GTF2H2C: variants seen among roughly 807,000 people sequenced by gnomAD.
The protein encoded by GTF2H2C is general transcription factor IIH subunit 2-like protein.
A neutral mutation model predicts 24.8 loss-of-function variants in GTF2H2C; 5 were observed. The observed-to-expected ratio is 0.20, with a 90% CI of 0.11 to 0.42. The LOEUF is 0.42. Ranked by LOEUF, GTF2H2C falls within the 20% of genes least tolerant of loss-of-function variation. The probability of loss-of-function intolerance (pLI) is 1.00; values close to 1 mark genes in which losing one functional copy is unlikely to be tolerated. For missense variants in GTF2H2C, 45 were observed against 169.8 expected (o/e 0.27, Z 4.08); for synonymous variants, 14 against 52.6 (o/e 0.27, Z 3.18).
rs202004974 is a variant in GTF2H2C, at chr5:69,564,153, T to G, written c.-33-947T>G. On this transcript the variant is annotated intron_variant, in intron 2 of 16. Transcript: ENST00000380729. Reference sequence around the variant, plus strand: ...CTGCAAAAGACAGGATTTCATTGTGTTTTTTTTTCGTTGTTTTTTTGGCTG... The same window carrying G: ...CTGCAAAAGACAGGATTTCATTGTGGTTTTTTTTCGTTGTTTTTTTGGCTG... Among the ~76,000 whole-genome samples the G allele has an allele frequency of 4.8e-3, 682 of 143,016 alleles. 17 individuals are homozygous for G. In the East Asian group the frequency reaches 0.075, roughly 16 times the overall value. 93.8% of individuals were successfully genotyped at this position (143,016 alleles called of 152,430 possible).
intron 15 of GTF2H2C, among the ~76,000 whole-genome samples, chr5:69,589,875 C>CTTTTTTTTTTTTTTT (rs1160077149): frequency 1.7e-5 from 1 of 60,358 alleles, no homozygotes; most frequent in Non-Finnish European, 2.7e-5. Context: ...TATTGCTATT[C>CTTTTTTTTTTTTTTT]TTTTTTTTTT....
chr5:69,590,393 T>G, intron 16 of GTF2H2C, 26 bp downstream of exon 16: 1 of 180,818 alleles, frequency 5.5e-6, no homozygotes, highest in Non-Finnish European at 9.5e-6. Flanking sequence ...TTCTAAATAT[T>G]AAGTAATGTA....
At chr5:69,564,809 T>C (rs1353324206) in intron 2 of GTF2H2C, among the ~76,000 whole-genome samples, 1 of 151,656 alleles carries the variant, frequency 6.6e-6, no homozygotes, top group Non-Finnish European at 1.5e-5. Flanking sequence ...CTCACAAGTC[T>C]ACAGTTTGTC....
intron 4 of GTF2H2C, 132 bp downstream of exon 4, chr5:69,566,340 G>A (rs1296579409): frequency 5.3e-5 from 65 of 1,221,598 alleles, no homozygotes; most frequent in Non-Finnish European, 7.3e-5. Context: ...CTGACTATGG[G>A]GAAAGAACTA....
Position 69,579,770 on chromosome 5 carries a change from T to G in GTF2H2C, c.663T>G (p.Val221=). 1 of 1,606,174 alleles carries G rather than the reference T, an allele frequency of 6.2e-7. No homozygotes were observed. The highest frequency in any genetic ancestry group is 8.5e-7 in the Non-Finnish European group (1 of 1,178,920). Residue 221 remains valine, a synonymous_variant, in exon 12 of 17, where the codon GTT becomes GTG. Transcript: ENST00000380729. ...TCATCTTGTTAGGCACGTACCATGT[T>G]ATTTTAGATGAAAGCCATTACAAAG... is the stretch of plus-strand genomic sequence containing the variant. ...LARETGGTYH[V]ILDESHYKEL... is the part of the protein sequence containing the mutation.
chr5:69,589,847 T>C (rs1190444487), intron 15 of GTF2H2C, among the ~76,000 whole-genome samples: 1 of 129,268 alleles, frequency 7.7e-6, no homozygotes, highest in Non-Finnish European at 1.6e-5. Context: ...GTATATACTG[T>C]GGAATTTTTT....
At chr5:69,561,068 TAAG>T (rs1770303900) in intron 1 of GTF2H2C, among the ~76,000 whole-genome samples, 1 of 152,076 alleles carries the variant, frequency 6.6e-6, no homozygotes, top group Non-Finnish European at 1.5e-5. Context: ...GTGATATTTT[TAAG>T]AAGAAAATGG....
intron 2 of GTF2H2C, among the ~76,000 whole-genome samples, chr5:69,564,425 A>G (rs1770612306): frequency 6.7e-6 from 1 of 148,492 alleles, no homozygotes. Flanking sequence ...CATTAGAGAA[A>G]TGCAAACCAA....
rs1302957869 is a variant in GTF2H2C at position 69,565,064 on chromosome 5, A to G, written c.-33-36A>G. ...TAATTGGATGAATTTTGTAACAAAC[A>G]TCTTTAGATAACTTACATTCTAATG... On this transcript the variant is annotated intron_variant, in intron 2 of 16. Transcript: ENST00000380729. 5.0e-6 allele frequency: 3 copies of G among 600,626 alleles called. No homozygotes were observed. In the African/African-American group the frequency reaches 5.6e-5, roughly 11 times the overall value. The allele number at this position is 600,626 out of a possible 1,614,324, so 37.2% of individuals were successfully genotyped here. A position where few individuals can be genotyped will look rare whatever the true frequency, so the allele number is the denominator to read the frequency against.
chr5:69,566,074 ATTTG>A, intron 3 of GTF2H2C, 53 bp from the exon 4 acceptor site: 2 of 1,356,484 alleles, frequency 1.5e-6, no homozygotes, highest in Non-Finnish European at 2.1e-6. Flanking sequence ...TTTTCATTTC[ATTTG>A]GGCTAGTAAT....
At chr5:69,566,331 T>C in intron 4 of GTF2H2C, 123 bp downstream of exon 4, 13 of 1,366,438 alleles carry the variant, frequency 9.5e-6, no homozygotes, top group Non-Finnish European at 1.3e-5. Flanking sequence ...TATTGCCTTC[T>C]GACTATGGGG....
At position 69,582,430 on chromosome 5, in the gene GTF2H2C, G is replaced by GT; in HGVS notation, c.821+2dup. On this transcript the variant is annotated splice_donor_variant, in intron 13 of 16. Transcript: ENST00000380729. LOFTEE classifies it high-confidence loss of function. ...ATGCAAAACCCTCTTTCAGCATGGC[G>GT]TAAGTAAAGACCTTGAAAATATCAG... is the stretch of plus-strand genomic sequence containing the variant. 1 of 352,764 alleles carries GT rather than the reference G, an allele frequency of 2.8e-6. No homozygotes were observed. The highest frequency in any genetic ancestry group is 3.6e-5 in the South Asian group (1 of 27,934). 21.9% of individuals were successfully genotyped at this position (352,764 alleles called of 1,614,324 possible).
At chr5:69,581,612 G>T in intron 12 of GTF2H2C, among the ~76,000 whole-genome samples, 1 of 111,866 alleles carries the variant, frequency 8.9e-6, no homozygotes, top group Non-Finnish European at 1.8e-5. Context: ...GAGTCCTTTA[G>T]GAATGTTAAC....
intron 9 of GTF2H2C, among the ~76,000 whole-genome samples, chr5:69,573,422 G>A (rs1245749399): frequency 1.3e-5 from 1 of 77,576 alleles, no homozygotes; most frequent in Non-Finnish European, 2.6e-5. Flanking sequence ...GGCCTCAAGC[G>A]ATCCGCCCAC....
At chr5:69,561,760 T>G (rs1241086809) in intron 1 of GTF2H2C, among the ~76,000 whole-genome samples, 1 of 151,682 alleles carries the variant, frequency 6.6e-6, no homozygotes, top group African/African-American at 2.4e-5. Context: ...CCTCCCACTT[T>G]TGCTTCCCAA....
In GTF2H2C at chr5:69,588,397, G is replaced by T. The variant is rs1159781156; in HGVS notation, c.1029-1931G>T. On this transcript the variant is annotated intron_variant, in intron 15 of 16. Coordinates refer to ENST00000380729, the MANE Select transcript of GTF2H2C (RefSeq NM_001376000.2). ...GGACAGAACTTTCTAGATTGAAAGG[G>T]CCTGTTGGCTGGGAAGGGTGGCTCA... Among the ~76,000 whole-genome samples, 2 of 24,694 alleles carry T rather than the reference G, an allele frequency of 8.1e-5. 1 individual carries two copies. Among genetic ancestry groups the T allele is most frequent in the Non-Finnish European group, 1.7e-4 (2 of 11,582 alleles). 16.2% of individuals were successfully genotyped at this position (24,694 alleles called of 152,430 possible).
At chr5:69,590,216 TCATGTGTAAAGA>T (rs1276101795) in intron 15 of GTF2H2C, 100 bp from the exon 16 acceptor site, 1 of 125,752 alleles carries the variant, frequency 8.0e-6, no homozygotes, top group Non-Finnish European at 1.6e-5. Flanking sequence ...TTCCTGAAAG[TCATGTGTAAAGA>T]CAAGTACATA....
In GTF2H2C at chr5:69,593,792, T is replaced by C. The variant is rs1426459310; in HGVS notation, c.*1594T>C. The C allele has an allele frequency of 4.6e-5, 1 of 21,900 alleles. No homozygotes were observed. Among genetic ancestry groups the C allele is most frequent in the African/African-American group, 1.6e-4 (1 of 6,254 alleles). The allele number at this position is 21,900 out of a possible 1,614,324, so 1.4% of individuals were successfully genotyped here. On this transcript the variant is annotated 3_prime_UTR_variant, in exon 17 of 17. Coordinates refer to ENST00000380729, the MANE Select transcript of GTF2H2C (RefSeq NM_001376000.2). Reference sequence around the variant, plus strand: ...TCTACTAAACATACAAAAAATTAGCTGGGCCTGGTGGCGGGCGCCTGTAGT... The same window carrying C: ...TCTACTAAACATACAAAAAATTAGCCGGGCCTGGTGGCGGGCGCCTGTAGT...
chr5:69,562,025 A>G (rs1168301925), intron 1 of GTF2H2C, among the ~76,000 whole-genome samples: 1 of 151,976 alleles, frequency 6.6e-6, no homozygotes, highest in Non-Finnish European at 1.5e-5. Context: ...GAGGAGCAAA[A>G]TGTTCAGTTG....
Sources: gnomAD v4.1 joint callset for allele counts (sites outside exome capture counted in the v4.1 genomes callset) on GRCh38, gnomAD v4.1.1 for gene constraint, MANE v1.5 for transcripts, NCBI Gene and HGNC (gene_info 2026-07-23, HGNC 2026-07-21) for gene names.